Variants in TMPRSS11F observed in about 807,000 individuals in gnomAD.
The protein encoded by TMPRSS11F is transmembrane serine protease 11F.
A neutral mutation model predicts 60.2 loss-of-function variants in TMPRSS11F; 47 were observed. The observed-to-expected ratio is 0.78, with a 90% CI of 0.62 to 1.00. The LOEUF (loss-of-function observed/expected upper bound fraction) is 1.00, where lower values mean the gene tolerates loss of function less well. Among genes scored for constraint, TMPRSS11F ranks in the 50% least tolerant of loss-of-function variants. The probability of loss-of-function intolerance (pLI) is 0.00; values close to 1 mark genes in which losing one functional copy is unlikely to be tolerated. For synonymous variants in TMPRSS11F, 166 were observed against 167.3 expected, an observed-to-expected ratio of 0.99 and a Z score of 0.06; for missense variants, 519 against 522.9, an observed-to-expected ratio of 0.99 and a Z score of 0.07.
At chr4:68,104,993 T>C (rs1243248139) in intron 1 of TMPRSS11F, among the ~76,000 whole-genome samples, 1 of 150,756 alleles carries the variant, frequency 6.6e-6, no homozygotes, top group African/African-American at 2.4e-5. Flanking sequence ...CTTTGTCTTC[T>C]TAGGTATCAA....
At position 68,129,812 on chromosome 4, in the gene TMPRSS11F, G is replaced by A. The variant is rs765476171; in HGVS notation, c.9C>T (p.Tyr3=). The change falls in exon 1 of 10, where the codon TAC becomes TAT. Residue 3 remains tyrosine, a splice_region_variant and synonymous_variant. Coordinates refer to ENST00000356291, the MANE Select transcript of TMPRSS11F (RefSeq NM_207407.2). ...ACTGAGAAAAGCTGAATACTTACGCGTACATCATGAACCCAGGACTGGGGC... is the reference window on the plus strand; with the variant it reads ...ACTGAGAAAAGCTGAATACTTACGCATACATCATGAACCCAGGACTGGGGC... The part of the protein sequence containing the change: MM[Y]APVEFSEAEF... The A allele has an allele frequency of 5.0e-6, 8 of 1,613,140 alleles. No homozygotes were observed. Among genetic ancestry groups the A allele is most frequent in the East Asian group, 4.5e-5 (2 of 44,874 alleles).
chr4:68,063,041 A>T (rs375018919), intron 8 of TMPRSS11F: 97 of 664,540 alleles, frequency 1.5e-4, no homozygotes, highest in Non-Finnish European at 2.3e-5. Context: ...GGAGTCACAG[A>T]CACATTTTAT....
rs35687346 is a variant in TMPRSS11F at position 68,068,797 on chromosome 4, A to G, written c.576T>C (p.Ser192=). The G allele has an allele frequency of 9.9e-3, 15,904 of 1,614,134 alleles. 730 individuals are homozygous for G. In the African/African-American group the frequency reaches 0.13, roughly 13 times the overall value. The change falls in exon 7 of 10, where the codon TCT becomes TCC. Residue 192 remains serine (S), a synonymous_variant. Transcript: ENST00000356291. ...LNSRCGIRMT[S]SNMPLPASSS... is the part of the protein sequence containing the mutation. Reference sequence around the variant, plus strand: ...AGGATGCTGGTAATGGCATGTTTGAAGATGTCATCCTTATTCCACAGCCTG... The same window carrying G: ...AGGATGCTGGTAATGGCATGTTTGAGGATGTCATCCTTATTCCACAGCCTG...
At chr4:68,073,087 C>T (rs761377039) in intron 4 of TMPRSS11F, among the ~76,000 whole-genome samples, 22 of 152,270 alleles carry the variant, frequency 1.4e-4, no homozygotes, top group Non-Finnish European at 2.9e-4. Context: ...TCTCACTCTT[C>T]CCTTGTCTGC....
At chr4:68,054,163 C>A in intron 9 of TMPRSS11F, 96 bp from the exon 10 acceptor site, 1 of 1,080,350 alleles carries the variant, frequency 9.3e-7, no homozygotes, top group Admixed American at 2.3e-5. Flanking sequence ...GAAATTGGTA[C>A]ACAGACCACA....
At chr4:68,097,038 T>C (rs1197171698) in intron 2 of TMPRSS11F, among the ~76,000 whole-genome samples, 1 of 152,246 alleles carries the variant, frequency 6.6e-6, no homozygotes, top group African/African-American at 2.4e-5. Context: ...TCTACTTGTT[T>C]AACTTTTGTC....
chr4:68,071,847 C>T (rs1179979445), intron 5 of TMPRSS11F, among the ~76,000 whole-genome samples: 2 of 152,156 alleles, frequency 1.3e-5, no homozygotes, highest in Non-Finnish European at 2.9e-5. Flanking sequence ...CTGGCTCTTC[C>T]TACAGGGGTA....
At chr4:68,062,678 C>G in intron 8 of TMPRSS11F, 1 of 760,220 alleles carries the variant, frequency 1.3e-6, no homozygotes, top group Middle Eastern at 2.3e-4. Flanking sequence ...TCTTCTCATG[C>G]TGCTTTTGTT....
intron 7 of TMPRSS11F, among the ~76,000 whole-genome samples, chr4:68,067,577 A>C (rs1723357333): frequency 6.6e-6 from 1 of 152,274 alleles, no homozygotes; most frequent in Non-Finnish European, 1.5e-5. Flanking sequence ...GACTGTGTGA[A>C]TATGAAAAAA....
intron 1 of TMPRSS11F, among the ~76,000 whole-genome samples, chr4:68,105,287 G>A (rs2109876609): frequency 6.6e-6 from 1 of 151,482 alleles, no homozygotes; most frequent in South Asian, 2.1e-4. Context: ...CTTTCTTCAT[G>A]TTAAAGTAAA....
chr4:68,091,747 A>ATCTCTCTCTCTC (rs372346277), intron 2 of TMPRSS11F, among the ~76,000 whole-genome samples: 47 of 71,654 alleles, frequency 6.6e-4, no homozygotes, highest in African/African-American at 1.9e-3. Context: ...TTAATCTCTA[A>ATCTCTCTCTCTC]TCTCTCTCTC....
At chr4:68,088,764 T>G (rs931084474) in intron 3 of TMPRSS11F, among the ~76,000 whole-genome samples, 1 of 152,014 alleles carries the variant, frequency 6.6e-6, no homozygotes, top group Non-Finnish European at 1.5e-5. Flanking sequence ...ACCAATAATG[T>G]TCAAGCTGAC....
At chr4:68,066,752 G>T (rs1472478751) in intron 7 of TMPRSS11F, among the ~76,000 whole-genome samples, 1 of 151,936 alleles carries the variant, frequency 6.6e-6, no homozygotes, top group Non-Finnish European at 1.5e-5. Context: ...TGGTTAACAC[G>T]GTGAAACCCT....
chr4:68,059,593 CTTA>C (rs770905178), intron 8 of TMPRSS11F, 125 bp from the exon 9 acceptor site: 8 of 941,152 alleles, frequency 8.5e-6, no homozygotes, highest in South Asian at 2.1e-5. Context: ...TAGCTATCAT[CTTA>C]TTTTCTGTCA....
chr4:68,120,578 C>T (rs1162810536), intron 1 of TMPRSS11F, among the ~76,000 whole-genome samples: 2 of 151,446 alleles, frequency 1.3e-5, no homozygotes, highest in African/African-American at 4.9e-5. Flanking sequence ...TTAGTAGAGA[C>T]GGGGTTTCAC....
intron 3 of TMPRSS11F, among the ~76,000 whole-genome samples, chr4:68,088,606 C>G (rs1368758238): frequency 2.0e-5 from 3 of 152,106 alleles, no homozygotes; most frequent in Non-Finnish European, 2.9e-5. Context: ...TTCAGCACCA[C>G]ACCACACCTA....
intron 1 of TMPRSS11F, among the ~76,000 whole-genome samples, chr4:68,103,596 A>G (rs974226025): frequency 2.6e-5 from 4 of 152,168 alleles, no homozygotes; most frequent in Non-Finnish European, 4.4e-5. Flanking sequence ...AGAAAGTGTG[A>G]TGCCTCAAAC....
At chr4:68,101,472 C>A (rs1280050182) in intron 1 of TMPRSS11F, among the ~76,000 whole-genome samples, 1 of 152,094 alleles carries the variant, frequency 6.6e-6, no homozygotes, top group Non-Finnish European at 1.5e-5. Flanking sequence ...ATATTAAGTG[C>A]ATTCTTAATT....
intron 9 of TMPRSS11F, among the ~76,000 whole-genome samples, chr4:68,059,032 A>T (rs1004084481): frequency 6.6e-6 from 1 of 152,218 alleles, no homozygotes; most frequent in African/African-American, 2.4e-5. Context: ...TGTCATTAAA[A>T]AATGTGAGGG....
Sources: gnomAD v4.1 joint callset for allele counts (sites outside exome capture counted in the v4.1 genomes callset) on GRCh38, gnomAD v4.1.1 for gene constraint, MANE v1.5 for transcripts, NCBI Gene and HGNC (gene_info 2026-07-23, HGNC 2026-07-21) for gene names.